Variants in NCK2 observed in about 807,000 individuals in gnomAD.
The protein encoded by NCK2 is NCK adaptor protein 2, also known as cytoplasmic protein NCK2.
In NCK2, 16 loss-of-function variants were observed where a neutral mutation model predicts 33.9. The ratio of observed to expected loss-of-function variants is 0.47; its 90% CI spans 0.32 to 0.72. NCK2 has a LOEUF of 0.72. Ranked by LOEUF, NCK2 falls within the 30% of genes least tolerant of loss-of-function variation. The pLI, the probability that NCK2 is intolerant of heterozygous loss-of-function variation, is 0.03. For synonymous variants in NCK2, 273 were observed against 239.9 expected (o/e 1.14, Z -1.27); for missense variants, 418 against 537.3 (o/e 0.78, Z 2.19).
chr2:105,768,313 C>T (rs1180735074), intron 1 of NCK2, among the ~76,000 whole-genome samples: 1 of 152,226 alleles, frequency 6.6e-6, no homozygotes, highest in African/African-American at 2.4e-5. Context: ...AAACAGGTCT[C>T]TGATTCTCTG....
chr2:105,852,553 T>C (rs1052252420), intron 2 of NCK2, among the ~76,000 whole-genome samples: 2 of 152,202 alleles, frequency 1.3e-5, no homozygotes, highest in African/African-American at 4.8e-5. Flanking sequence ...AGCTCTTTAC[T>C]TAACTACCCT....
chr2:105,766,562 ATCCTCCCACC>A (rs1244213296), intron 1 of NCK2, among the ~76,000 whole-genome samples: 1 of 152,102 alleles, frequency 6.6e-6, no homozygotes, highest in East Asian at 1.9e-4. Context: ...GCCTTAAGGG[ATCCTCCCACC>A]TCAGCCTCCC....
intron 3 of NCK2, among the ~76,000 whole-genome samples, chr2:105,863,811 T>C (rs1260501912): frequency 6.6e-6 from 1 of 152,142 alleles, no homozygotes; most frequent in African/African-American, 2.4e-5. Flanking sequence ...CACCTACTGC[T>C]CTTAATCATT....
At chr2:105,870,715 C>T (rs770107265) in intron 3 of NCK2, among the ~76,000 whole-genome samples, 6 of 152,060 alleles carry the variant, frequency 3.9e-5, no homozygotes, top group Non-Finnish European at 8.8e-5. Context: ...CGCGCCACCT[C>T]ACTCCAGCCT....
intron 1 of NCK2, among the ~76,000 whole-genome samples, chr2:105,788,112 T>C (rs1252279194): frequency 6.6e-6 from 1 of 152,198 alleles, no homozygotes; most frequent in Non-Finnish European, 1.5e-5. Context: ...GACTTTCCTT[T>C]CACTTCCGTA....
At chr2:105,750,928 A>G (rs1689434609) in intron 1 of NCK2, among the ~76,000 whole-genome samples, 1 of 152,228 alleles carries the variant, frequency 6.6e-6, no homozygotes, top group Non-Finnish European at 1.5e-5. Flanking sequence ...AGTCTTTGCC[A>G]CATGAGCAAA....
intron 2 of NCK2, among the ~76,000 whole-genome samples, chr2:105,843,648 T>C (rs1676735356): frequency 6.6e-6 from 1 of 152,110 alleles, no homozygotes; most frequent in Non-Finnish European, 1.5e-5. Flanking sequence ...CTGAAAACGC[T>C]CCCATACACA....
At chr2:105,800,778 G>A (rs1674799325) in intron 1 of NCK2, among the ~76,000 whole-genome samples, 1 of 152,160 alleles carries the variant, frequency 6.6e-6, no homozygotes, top group Admixed American at 6.5e-5. Context: ...GAAGAATCTT[G>A]AAAGTAGAGG....
chr2:105,768,908 G>A (rs999944394), intron 1 of NCK2, among the ~76,000 whole-genome samples: 4 of 152,286 alleles, frequency 2.6e-5, no homozygotes, highest in South Asian at 4.1e-4. Context: ...AGTTCATGAC[G>A]TGGAGGCTCC....
intron 1 of NCK2, among the ~76,000 whole-genome samples, chr2:105,784,873 G>C (rs1054491908): frequency 4.6e-5 from 7 of 152,226 alleles, no homozygotes; most frequent in South Asian, 4.1e-4. Flanking sequence ...AGTAAAGTTA[G>C]GAACACGTGC....
At chr2:105,761,575 A>G (rs967272323) in intron 1 of NCK2, among the ~76,000 whole-genome samples, 2 of 152,332 alleles carry the variant, frequency 1.3e-5, no homozygotes, top group South Asian at 4.1e-4. Flanking sequence ...TTGTTTATTA[A>G]AAAATGACTG....
intron 3 of NCK2, among the ~76,000 whole-genome samples, chr2:105,869,194 T>A (rs1484870152): frequency 6.6e-6 from 1 of 152,114 alleles, no homozygotes; most frequent in Non-Finnish European, 1.5e-5. Context: ...GACTCACCCC[T>A]CTGGAGCTTT....
chr2:105,879,273 G>A (rs369694991), intron 3 of NCK2, among the ~76,000 whole-genome samples: 11 of 152,168 alleles, frequency 7.2e-5, no homozygotes, highest in Non-Finnish European at 8.8e-5. Context: ...CTCACGCCCC[G>A]GCTTGCTAGC....
intron 2 of NCK2, among the ~76,000 whole-genome samples, chr2:105,831,971 T>C (rs1676206677): frequency 6.6e-6 from 1 of 152,176 alleles, no homozygotes; most frequent in Admixed American, 6.5e-5. Context: ...AAAATGTAGA[T>C]TGCTTTGGAT....
intron 1 of NCK2, among the ~76,000 whole-genome samples, chr2:105,791,923 GT>G (rs1209105306): frequency 3.3e-5 from 5 of 152,208 alleles, no homozygotes; most frequent in African/African-American, 1.2e-4. Context: ...TACCAAAAAT[GT>G]TTTTTCGATG....
chr2:105,749,838 C>T (rs928486469), intron 1 of NCK2, among the ~76,000 whole-genome samples: 1 of 152,002 alleles, frequency 6.6e-6, no homozygotes, highest in Non-Finnish European at 1.5e-5. Flanking sequence ...CTGTTTAGTG[C>T]GTGTATTAGT....
intron 1 of NCK2, among the ~76,000 whole-genome samples, chr2:105,776,612 T>C (rs1411420830): frequency 6.6e-6 from 1 of 152,064 alleles, no homozygotes; most frequent in African/African-American, 2.4e-5. Context: ...AACTTGTGGA[T>C]TTTCTTTTAG....
At chr2:105,756,291 T>G (rs558511971) in intron 1 of NCK2, among the ~76,000 whole-genome samples, 56 of 152,262 alleles carry the variant, frequency 3.7e-4, no homozygotes, top group African/African-American at 1.3e-3. Flanking sequence ...ATCATCACTT[T>G]GCATAATTTT....
chr2:105,859,998 A>G (rs746972416), intron 3 of NCK2, among the ~76,000 whole-genome samples: 2 of 152,214 alleles, frequency 1.3e-5, no homozygotes, highest in African/African-American at 2.4e-5. Flanking sequence ...CAAAACAACA[A>G]TCAGGGCTGG....
Sources: gnomAD v4.1 joint callset for allele counts (sites outside exome capture counted in the v4.1 genomes callset) on GRCh38, gnomAD v4.1.1 for gene constraint, MANE v1.5 for transcripts, NCBI Gene and HGNC (gene_info 2026-07-23, HGNC 2026-07-21) for gene names.